HACD1: variants seen among roughly 807,000 people sequenced by gnomAD.
HACD1 encodes 3-hydroxyacyl-CoA dehydratase 1.
Under a neutral mutation model 32.0 loss-of-function variants are expected in HACD1, and 41 were observed. That is an observed-to-expected ratio of 1.28 (90% confidence interval 1.00 to 1.66). The LOEUF is 1.66. HACD1 is among the 40% of genes most tolerant of loss of function. The probability of loss-of-function intolerance (pLI) is 0.00; values close to 1 mark genes in which losing one functional copy is unlikely to be tolerated. For synonymous variants in HACD1, 142 were observed against 139.0 expected (o/e 1.02, Z -0.15); for missense variants, 396 against 380.1 (o/e 1.04, Z -0.35).
chr10:17,594,549 T>C (rs1471062330), intron 5 of HACD1, among the ~76,000 whole-genome samples, 166 bp from the exon 6 acceptor site: 1 of 152,250 alleles, frequency 6.6e-6, no homozygotes, highest in Non-Finnish European at 1.5e-5. Flanking sequence ...CATTTGCTTA[T>C]TGATTATCAT....
At chr10:17,600,594 A>G (rs915671187) in intron 4 of HACD1, among the ~76,000 whole-genome samples, 2 of 151,898 alleles carry the variant, frequency 1.3e-5, no homozygotes, top group Non-Finnish European at 2.9e-5. Flanking sequence ...CCAAAGTGCT[A>G]GGATTACAGG....
rs782542355 is a variant in HACD1, at chr10:17,603,612, T to C, written c.431A>G (p.Gln144Arg). Residue 144 changes from glutamine to arginine, a missense_variant, in exon 4 of 7, where the codon CAA (glutamine) becomes CGA (arginine). Gln to Arg is a conservative substitution (Grantham distance 43). Coordinates refer to ENST00000361271, the MANE Select transcript of HACD1 (RefSeq NM_014241.4). ...VPTSVIVTGV[Q>R]VSSRIFMVWL... ...CACCATAAAGATTCTTGAACTCACT[T>C]GGACCCCAGTCACAATCACAGAAGT... 1.2e-6 allele frequency: 2 copies of C among 1,613,810 alleles called. No individual in the cohort carries two copies. The highest frequency in any genetic ancestry group is 1.7e-6 in the Non-Finnish European group (2 of 1,179,754).
chr10:17,594,559 TC>T (rs1833970453), intron 5 of HACD1, among the ~76,000 whole-genome samples, 176 bp from the exon 6 acceptor site: 1 of 152,236 alleles, frequency 6.6e-6, no homozygotes, highest in Non-Finnish European at 1.5e-5. Context: ...TTGATTATCA[TC>T]CTTTTTTTCC....
intron 6 of HACD1, among the ~76,000 whole-genome samples, 199 bp from the exon 7 acceptor site, chr10:17,590,645 C>A (rs1221036444): frequency 1.3e-5 from 2 of 152,080 alleles, no homozygotes; most frequent in Non-Finnish European, 2.9e-5. Flanking sequence ...AATGCTGTAA[C>A]TGTTGAGGTT....
At chr10:17,604,111 G>A in intron 1 of HACD1, 64 bp from the exon 2 acceptor site, 1 of 1,155,746 alleles carries the variant, frequency 8.7e-7, no homozygotes, top group Non-Finnish European at 1.2e-6. Flanking sequence ...ATACATTTGT[G>A]TTTACAGCAG....
chr10:17,610,999 CTTTTTTTTTTTTT>C (rs71393021), intron 1 of HACD1, among the ~76,000 whole-genome samples: 2 of 103,016 alleles, frequency 1.9e-5, no homozygotes, highest in African/African-American at 8.1e-5. Context: ...AGGTCCTCTT[CTTTTTTTTTTTTT>C]TTTTTTTTGA....
rs182460525 is a variant in HACD1, at chr10:17,610,021, T to C, written c.258-5974A>G. On this transcript the variant is annotated intron_variant, in intron 1 of 6. Transcript: ENST00000361271. ...AAAAAGAACGAAAGAAATTAAACAC[T>C]TAACTATCCTATGACCCAGCCCCTC... is the stretch of plus-strand genomic sequence containing the variant. Among the ~76,000 whole-genome samples, 221 of 150,892 alleles carry C rather than the reference T, an allele frequency of 1.5e-3. 1 individual carries two copies. The highest frequency in any genetic ancestry group is 5.1e-3 in the African/African-American group (212 of 41,188).
chr10:17,598,209 G>A (rs1305818735), intron 5 of HACD1, among the ~76,000 whole-genome samples: 1 of 136,894 alleles, frequency 7.3e-6, no homozygotes, highest in Admixed American at 8.1e-5. Flanking sequence ...GAAGTGAGCC[G>A]AGATCGTGCC....
rs539148808 is a variant in HACD1, at chr10:17,591,731, T to C, written c.785-1285A>G. On this transcript the variant is annotated intron_variant, in intron 6 of 6. Transcript: ENST00000361271. ...TCAGAATAATCAAACCAATGAACCT[T>C]ATCACAAAACAAGCTTTGAATATCC... Among the ~76,000 whole-genome samples the C allele has an allele frequency of 2.0e-5, 3 of 152,338 alleles. No homozygotes were observed. The East Asian group carries it at 5.8e-4, about 29-fold the overall frequency.
rs1588989456 is a variant in HACD1, at chr10:17,604,046, A to C, written c.259T>G (p.Trp87Gly). ...ACCATGGCAATAGCTAGAACCAACC[A>C]CCTAAAAAAAAAAAGTATTTCATAA... ...TFYDIAMTAGWLVLAIAMVRF... is the reference protein window; with the variant it reads ...TFYDIAMTAGGLVLAIAMVRF... Residue 87 changes from tryptophan to glycine, a missense_variant and splice_region_variant, in exon 2 of 7, where the codon TGG (tryptophan) becomes GGG (glycine). By Grantham distance (184) the Trp-to-Gly change is radical. Transcript: ENST00000361271. The C allele has an allele frequency of 2.0e-6, 3 of 1,538,052 alleles. No individual in the cohort carries two copies. Among genetic ancestry groups the C allele is most frequent in the Non-Finnish European group, 1.8e-6 (2 of 1,140,318 alleles).
chr10:17,598,159 C>A (rs565738066), intron 5 of HACD1, among the ~76,000 whole-genome samples: 1 of 148,570 alleles, frequency 6.7e-6, no homozygotes, highest in South Asian at 2.1e-4. Context: ...ACTTGGGAGG[C>A]TGAGGCAGGA....
Position 17,617,178 on chromosome 10 carries a change from C to T in HACD1, c.162G>A (p.Glu54=), listed in dbSNP as rs1833103294. 2.7e-6 allele frequency: 4 copies of T among 1,504,082 alleles called. No homozygotes were observed. The highest frequency in any genetic ancestry group is 3.5e-6 in the Non-Finnish European group (4 of 1,130,996). 93.2% of individuals were successfully genotyped at this position (1,504,082 alleles called of 1,614,324 possible). A position where few individuals can be genotyped will look rare whatever the true frequency, so the allele number is the denominator to read the frequency against. The change falls in exon 1 of 7, where the codon GAG becomes GAA. Residue 54 remains glutamate (E), a synonymous_variant. Coordinates refer to ENST00000361271, the MANE Select transcript of HACD1 (RefSeq NM_014241.4). ...DEDGTNGGAS[E]AGEDREAPGE... is the part of the protein sequence containing the mutation. ...CGGGAGCCTCCCGGTCCTCGCCGGC[C>T]TCCGAGGCGCCGCCGTTGGTGCCGT...
rs1293631971 is a variant in HACD1, at chr10:17,612,125, A to AC, written c.257+4957_257+4958insG. On this transcript the variant is annotated intron_variant, in intron 1 of 6. Coordinates refer to ENST00000361271, the MANE Select transcript of HACD1 (RefSeq NM_014241.4). ...CATCTCAAAAAAAAAAAAAAAAAAAAAAAAACCCTAAAAAATCCTTACATC... is the reference window on the plus strand; with the variant it reads ...CATCTCAAAAAAAAAAAAAAAAAAAACAAAAACCCTAAAAAATCCTTACATC... Among the ~76,000 whole-genome samples, 30 of 141,992 alleles carry AC rather than the reference A, an allele frequency of 2.1e-4. 1 individual carries two copies. The highest frequency in any genetic ancestry group is 6.8e-4 in the African/African-American group (26 of 38,058). 93.2% of individuals were successfully genotyped at this position (141,992 alleles called of 152,430 possible).
At chr10:17,610,999 CTT>C (rs71393021) in intron 1 of HACD1, among the ~76,000 whole-genome samples, 121 of 102,992 alleles carry the variant, frequency 1.2e-3, no homozygotes, top group South Asian at 8.2e-3. Flanking sequence ...AGGTCCTCTT[CTT>C]TTTTTTTTTT....
intron 5 of HACD1, among the ~76,000 whole-genome samples, chr10:17,597,179 C>G (rs782441324): frequency 6.6e-6 from 1 of 152,148 alleles, no homozygotes; most frequent in Non-Finnish European, 1.5e-5. Context: ...GACAGAGTCA[C>G]GCTGTGTCAC....
chr10:17,601,859 CAGG>C (rs1834074370), intron 4 of HACD1, among the ~76,000 whole-genome samples: 1 of 151,944 alleles, frequency 6.6e-6, no homozygotes, highest in Non-Finnish European at 1.5e-5. Context: ...GTATAAAGAG[CAGG>C]AGGTCAGTGA....
rs74120011 is a variant in HACD1, at chr10:17,610,804, T to C, written c.257+6279A>G. ...GTTCCAACTTTACAGATGAGAAAAC[T>C]AAGAGTCAGAGAGGTTAAGTAGCTT... On this transcript the variant is annotated intron_variant, in intron 1 of 6. Transcript: ENST00000361271. Among the ~76,000 whole-genome samples the C allele has an allele frequency of 9.0e-3, 1,368 of 152,232 alleles. 23 individuals are homozygous for C. The highest frequency in any genetic ancestry group is 0.031 in the African/African-American group (1,278 of 41,548).
chr10:17,595,562 C>G (rs1219372329), intron 5 of HACD1, among the ~76,000 whole-genome samples: 1 of 152,116 alleles, frequency 6.6e-6, no homozygotes, highest in Non-Finnish European at 1.5e-5. Flanking sequence ...CCAAAGTCAT[C>G]ATGTGTTCAT....
intron 1 of HACD1, chr10:17,615,807 A>G (rs1833070334): frequency 2.3e-6 from 1 of 429,714 alleles, no homozygotes; most frequent in African/African-American, 2.0e-5. Context: ...TCTCTACCAA[A>G]AATACAAAAA....
Sources: allele counts gnomAD v4.1 joint callset (sites outside exome capture counted in the v4.1 genomes callset), GRCh38; gene constraint gnomAD v4.1.1; transcripts MANE v1.5; gene names NCBI Gene and HGNC (gene_info 2026-07-23, HGNC 2026-07-21).